The following NPM1 variants were observed in gnomAD, a reference collection of about 807,000 sequenced individuals.
NPM1 encodes the protein nucleophosmin.
A neutral mutation model predicts 44.1 loss-of-function variants in NPM1; 1 was observed. The ratio of observed to expected loss-of-function variants is 0.02; its 90% CI spans 0.01 to 0.11. The LOEUF (loss-of-function observed/expected upper bound fraction) is 0.11. Among genes scored for constraint, NPM1 ranks in the 10% least tolerant of loss-of-function variants. The pLI is 1.00. For synonymous variants in NPM1, 126 were observed against 111.8 expected, an observed-to-expected ratio of 1.13 and a Z score of -0.80; for missense variants, 197 against 347.8, an observed-to-expected ratio of 0.57 and a Z score of 3.45.
rs1475796909 is a variant in NPM1 at position 171,387,879 on chromosome 5, T to C, written c.-70T>C. 6 of 1,433,632 alleles carry C rather than the reference T, an allele frequency of 4.2e-6. No homozygotes were observed. Among genetic ancestry groups the C allele is most frequent in the Non-Finnish European group, 5.9e-6 (6 of 1,018,756 alleles). 88.8% of individuals were successfully genotyped at this position (1,433,632 alleles called of 1,614,324 possible). A position where few individuals can be genotyped will look rare whatever the true frequency, so the allele number is the denominator to read the frequency against. On this transcript the variant is annotated 5_prime_UTR_variant, in exon 1 of 11. Coordinates refer to ENST00000296930, the MANE Select transcript of NPM1 (RefSeq NM_002520.7). ...CCTGGTGTGATTCCGTCCTGCGCGG[T>C]TGTTCTCTGGAGCAGCGTTCTTTTA...
At chr5:171,388,332 G>A (rs1281346461) in intron 1 of NPM1, among the ~76,000 whole-genome samples, 17 of 152,186 alleles carry the variant, frequency 1.1e-4, no homozygotes, top group Non-Finnish European at 5.9e-5. Context: ...CTCCAGGCGT[G>A]GTTTATTTTC....
intron 6 of NPM1, among the ~76,000 whole-genome samples, chr5:171,394,135 G>A (rs1001487492): frequency 5.5e-4 from 81 of 146,826 alleles, no homozygotes; most frequent in African/African-American, 2.0e-3. Flanking sequence ...TCTGCCTCCT[G>A]GGTTCAAGCG....
chr5:171,395,424 A>G (rs1581244516), intron 6 of NPM1, among the ~76,000 whole-genome samples: 1 of 151,456 alleles, frequency 6.6e-6, no homozygotes, highest in African/African-American at 2.4e-5. Flanking sequence ...CTCGGCCTCC[A>G]GAGTAGCTTG....
chr5:171,393,097 T>C (rs981334582), intron 6 of NPM1, 119 bp downstream of exon 6: 7 of 1,304,214 alleles, frequency 5.4e-6, no homozygotes, highest in African/African-American at 4.5e-5. Context: ...TCCTATGTAA[T>C]AGTTTATAAT....
chr5:171,394,041 C>CTTTTTTTTTTT (rs144186175), intron 6 of NPM1, among the ~76,000 whole-genome samples: 3 of 97,078 alleles, frequency 3.1e-5, no homozygotes, highest in African/African-American at 3.9e-5. Context: ...TTTTTGTTTT[C>CTTTTTTTTTTT]TTTTTTTTTT....
chr5:171,392,031 C>T (rs556946330), intron 4 of NPM1, among the ~76,000 whole-genome samples: 105 of 152,158 alleles, frequency 6.9e-4, no homozygotes, highest in African/African-American at 2.4e-3. Flanking sequence ...GGAACCTCTC[C>T]GGGATTCAAG....
chr5:171,389,098 C>T (rs934730329), intron 1 of NPM1, among the ~76,000 whole-genome samples: 3 of 152,218 alleles, frequency 2.0e-5, no homozygotes, highest in Admixed American at 6.5e-5. Context: ...CACCACCCCC[C>T]TCGACTTGCG....
At chr5:171,403,255 T>G (rs1202548520) in intron 8 of NPM1, among the ~76,000 whole-genome samples, 3 of 89,966 alleles carry the variant, frequency 3.3e-5, no homozygotes, top group Admixed American at 1.2e-4. Context: ...AAGCACATCT[T>G]GCACCGCCCT....
intron 9 of NPM1, chr5:171,406,278 C>A: frequency 2.3e-6 from 2 of 886,690 alleles, no homozygotes; most frequent in African/African-American, 1.6e-5. Context: ...CACTGTAAAC[C>A]CTTTAGCCTT....
intron 6 of NPM1, among the ~76,000 whole-genome samples, chr5:171,394,041 C>CTTTTT (rs144186175): frequency 1.9e-4 from 18 of 97,064 alleles, no homozygotes; most frequent in East Asian, 3.6e-4. Context: ...TTTTTGTTTT[C>CTTTTT]TTTTTTTTTT....
intron 1 of NPM1, among the ~76,000 whole-genome samples, chr5:171,389,586 G>T (rs1228045429): frequency 6.6e-6 from 1 of 152,160 alleles, no homozygotes; most frequent in Non-Finnish European, 1.5e-5. Context: ...GATCCCTGTA[G>T]CAAACTTCGG....
chr5:171,387,525 C>T (rs541030403), upstream of NPM1: 4 of 210,716 alleles, frequency 1.9e-5, no homozygotes, highest in Non-Finnish European at 2.9e-5. Flanking sequence ...AGACTCTTGG[C>T]GGGAGGCCGG....
chr5:171,403,646 C>G (rs1771368793), intron 8 of NPM1, among the ~76,000 whole-genome samples: 2 of 135,554 alleles, frequency 1.5e-5, no homozygotes, highest in South Asian at 2.5e-4. Flanking sequence ...GCTGACCCCC[C>G]CCACCTCCCT....
At chr5:171,406,080 A>T (rs1771545130) in intron 9 of NPM1, among the ~76,000 whole-genome samples, 1 of 152,168 alleles carries the variant, frequency 6.6e-6, no homozygotes, top group East Asian at 1.9e-4. Flanking sequence ...GAGAAGCTTT[A>T]ATTCTATGAA....
At chr5:171,392,619 C>T in intron 4 of NPM1, 91 bp from the exon 5 acceptor site, 3 of 620,886 alleles carry the variant, frequency 4.8e-6, no homozygotes, top group Non-Finnish European at 5.1e-6. Flanking sequence ...GAATAGAAGT[C>T]TCAGTTTTTA....
rs115316271 is a variant in NPM1 at position 171,392,042 on chromosome 5, C to T, written c.352+243C>T. 0.021 allele frequency among the ~76,000 whole-genome samples: 3,138 copies of T among 152,114 alleles called. 60 individuals carry two copies. The highest frequency in any genetic ancestry group is 0.035 in the Non-Finnish European group (2,377 of 67,994). ...CACTGGAACCTCTCCGGGATTCAAGCGATCCTCCTGTCTCAGCCTCCCCAG... is the reference window on the plus strand; with the variant it reads ...CACTGGAACCTCTCCGGGATTCAAGTGATCCTCCTGTCTCAGCCTCCCCAG... On this transcript the variant is annotated intron_variant, in intron 4 of 10. Coordinates refer to ENST00000296930, the MANE Select transcript of NPM1 (RefSeq NM_002520.7).
Position 171,391,399 on chromosome 5 carries a change from C to A in NPM1, c.233C>A (p.Thr78Asn). ...AGTCCAATTAAAGTAACACTGGCAA[C>A]TTTGAAAATGTCTGTACAGCCAACG... is the stretch of plus-strand genomic sequence containing the variant. ...EGSPIKVTLA[T>N]LKMSVQPTVS... Residue 78 changes from threonine to asparagine, a missense_variant, in exon 3 of 11, where the codon ACT (threonine) becomes AAT (asparagine). Transcript: ENST00000296930. 1 of 1,609,224 alleles carries A rather than the reference C, an allele frequency of 6.2e-7. No homozygotes were observed. The highest frequency in any genetic ancestry group is 1.1e-5 in the South Asian group (1 of 91,072).
At chr5:171,398,706 A>T (rs1285577086) in intron 6 of NPM1, among the ~76,000 whole-genome samples, 1 of 152,154 alleles carries the variant, frequency 6.6e-6, no homozygotes, top group Non-Finnish European at 1.5e-5. Context: ...TGGGAGGCAG[A>T]GGTTGCAGTG....
At position 171,406,255 on chromosome 5, in the gene NPM1, T is replaced by C. The variant is rs183846098; in HGVS notation, c.771+852T>C. 1.1e-4 allele frequency: 79 copies of C among 737,882 alleles called. 2 individuals are homozygous for C. The highest frequency in any genetic ancestry group is 9.2e-4 in the Admixed American group (44 of 47,832). The allele number at this position is 737,882 out of a possible 1,614,324, so 45.7% of individuals were successfully genotyped here. On this transcript the variant is annotated intron_variant, in intron 9 of 10. Coordinates refer to ENST00000296930, the MANE Select transcript of NPM1 (RefSeq NM_002520.7). Reference sequence around the variant, plus strand: ...AAAAGAATTTTAGAACTGGAACATATTTCTTTTAGTCACACTGTAAACCCT... The same window carrying C: ...AAAAGAATTTTAGAACTGGAACATACTTCTTTTAGTCACACTGTAAACCCT...
Sources: allele counts gnomAD v4.1 joint callset (sites outside exome capture counted in the v4.1 genomes callset), GRCh38; gene constraint gnomAD v4.1.1; transcripts MANE v1.5; gene names NCBI Gene and HGNC (gene_info 2026-07-23, HGNC 2026-07-21).